Variants in RTN4RL1 observed in about 807,000 individuals in gnomAD.
The protein encoded by RTN4RL1 is reticulon-4 receptor-like 1.
In RTN4RL1, 7 loss-of-function variants were observed where a neutral mutation model predicts 25.6. The observed-to-expected ratio is 0.27, with a 90% CI of 0.16 to 0.51. RTN4RL1 has a LOEUF of 0.51. Among genes scored for constraint, RTN4RL1 ranks in the 20% least tolerant of loss-of-function variants. RTN4RL1 has a pLI of 0.97. For missense variants in RTN4RL1, 500 were observed against 615.6 expected (o/e 0.81, Z 1.99); for synonymous variants, 297 against 288.2 (o/e 1.03, Z -0.31).
rs748423034 is a variant in RTN4RL1, at chr17:1,937,381, G to A, written c.441C>T (p.Gly147=). The change falls in exon 2 of 2, where the codon GGC becomes GGT. Residue 147 remains glycine, a synonymous_variant. Transcript: ENST00000331238. ...LSALPAGVFG[G]LHSLQYLYLQ... is the part of the protein sequence containing the mutation. The stretch of plus-strand genomic sequence containing the variant: ...GGTAGAGGTACTGCAGGCTGTGCAG[G>A]CCGCCAAAGACGCCGGCCGGCAAGG... 6 of 1,613,728 alleles carry A rather than the reference G, an allele frequency of 3.7e-6. No homozygotes were observed. The South Asian group carries it at 5.5e-5, about 15-fold the overall frequency.
At chr17:1,963,703 G>T (rs185356079) in intron 1 of RTN4RL1, among the ~76,000 whole-genome samples, 1 of 152,146 alleles carries the variant, frequency 6.6e-6, no homozygotes, top group East Asian at 1.9e-4. Flanking sequence ...TCAAGCTTCC[G>T]GGTGCAATCT....
At chr17:2,018,686 C>T (rs889679768) in intron 1 of RTN4RL1, among the ~76,000 whole-genome samples, 8 of 152,076 alleles carry the variant, frequency 5.3e-5, no homozygotes, top group Non-Finnish European at 1.2e-4. Flanking sequence ...CTCAGCAGTG[C>T]GCCGGCTGGG....
At chr17:1,985,048 T>C (rs2066882224) in intron 1 of RTN4RL1, among the ~76,000 whole-genome samples, 1 of 152,250 alleles carries the variant, frequency 6.6e-6, no homozygotes, top group Admixed American at 6.5e-5. Context: ...CAAGCATTTT[T>C]CACGCACTGC....
At chr17:1,951,044 T>A (rs889328550) in intron 1 of RTN4RL1, among the ~76,000 whole-genome samples, 1 of 151,662 alleles carries the variant, frequency 6.6e-6, no homozygotes, top group African/African-American at 2.4e-5. Context: ...GGAGGGTGGA[T>A]CACGAGGTCA....
chr17:1,965,575 C>T (rs1044160694), intron 1 of RTN4RL1, among the ~76,000 whole-genome samples: 3 of 152,100 alleles, frequency 2.0e-5, no homozygotes, highest in Non-Finnish European at 2.9e-5. Flanking sequence ...CCAGAGTGGG[C>T]CCCCCTCTGA....
At chr17:2,014,398 C>G (rs914849449) in intron 1 of RTN4RL1, among the ~76,000 whole-genome samples, 5 of 152,212 alleles carry the variant, frequency 3.3e-5, no homozygotes, top group East Asian at 1.9e-4. Flanking sequence ...CAGGACCCCC[C>G]ACTCTCCCCA....
intron 1 of RTN4RL1, among the ~76,000 whole-genome samples, chr17:1,978,611 C>T (rs1271987394): frequency 7.5e-6 from 1 of 133,378 alleles, no homozygotes; most frequent in Non-Finnish European, 1.6e-5. Flanking sequence ...CTTGCAACCT[C>T]TCAGTTTGCT....
In RTN4RL1 at chr17:1,994,105, G is replaced by A. The variant is rs763946676; in HGVS notation, c.13+30748C>T. On this transcript the variant is annotated intron_variant, in intron 1 of 1. Coordinates refer to ENST00000331238, the MANE Select transcript of RTN4RL1 (RefSeq NM_178568.4). This position sits in a 1 kb window ranked among gnomAD's most constrained non-coding sequence, Gnocchi z 4.3. ...ACGTGCACTCGAACCTCGCCGCTCCGGGTCCCAATCTGTGGATTGCTTTCC... is the reference window on the plus strand; with the variant it reads ...ACGTGCACTCGAACCTCGCCGCTCCAGGTCCCAATCTGTGGATTGCTTTCC... 1.2e-4 allele frequency among the ~76,000 whole-genome samples: 18 copies of A among 151,970 alleles called. No homozygotes were observed. The highest frequency in any genetic ancestry group is 3.4e-3 in the Middle Eastern group (1 of 294).
At chr17:2,019,839 T>C (rs138500291) in intron 1 of RTN4RL1, 1 of 152,372 alleles carries the variant, frequency 6.6e-6, no homozygotes, top group East Asian at 1.9e-4. Flanking sequence ...CAGTAAGGAA[T>C]TGTTTCCCAT....
At chr17:1,991,234 T>C (rs2066907006) in intron 1 of RTN4RL1, among the ~76,000 whole-genome samples, 2 of 151,972 alleles carry the variant, frequency 1.3e-5, no homozygotes, top group African/African-American at 2.4e-5. Context: ...TAAGTACCTG[T>C]AAGAGGCGGT....
intron 1 of RTN4RL1, among the ~76,000 whole-genome samples, chr17:1,980,875 G>A (rs562376748): frequency 4.3e-5 from 6 of 138,902 alleles, no homozygotes; most frequent in Admixed American, 3.1e-4. Flanking sequence ...TGCGGTGTGC[G>A]GAGATCACAC....
chr17:1,992,017 C>G (rs1172730305), intron 1 of RTN4RL1, among the ~76,000 whole-genome samples: 1 of 152,136 alleles, frequency 6.6e-6, no homozygotes, highest in African/African-American at 2.4e-5. Flanking sequence ...CACAGTCCCC[C>G]AGATCCTTCA....
At chr17:1,991,889 G>A (rs2066910457) in intron 1 of RTN4RL1, among the ~76,000 whole-genome samples, 1 of 152,176 alleles carries the variant, frequency 6.6e-6, no homozygotes, top group Non-Finnish European at 1.5e-5. Context: ...TCCTGGAAGT[G>A]GAATTGCTCT....
At chr17:1,955,803 C>T (rs952483668) in intron 1 of RTN4RL1, among the ~76,000 whole-genome samples, 5 of 151,500 alleles carry the variant, frequency 3.3e-5, no homozygotes, top group Admixed American at 1.3e-4. Context: ...AGGCTGGTCT[C>T]GAACTCCTGA....
intron 1 of RTN4RL1, among the ~76,000 whole-genome samples, chr17:1,991,951 C>T (rs1380552141): frequency 6.6e-6 from 1 of 152,170 alleles, no homozygotes; most frequent in East Asian, 1.9e-4. Flanking sequence ...AGAGCTATGT[C>T]TCCAGAAGAG....
chr17:1,982,418 C>T (rs1434905941), intron 1 of RTN4RL1, among the ~76,000 whole-genome samples: 1 of 152,120 alleles, frequency 6.6e-6, no homozygotes, highest in African/African-American at 2.4e-5. Flanking sequence ...CGAGACCATC[C>T]TGGCTAACAC....
chr17:1,998,642 C>A lies in RTN4RL1; in HGVS notation c.13+26211G>T, dbSNP rs1016291540. On this transcript the variant is annotated intron_variant, in intron 1 of 1. Coordinates refer to ENST00000331238, the MANE Select transcript of RTN4RL1 (RefSeq NM_178568.4). The surrounding 1 kb of genome is among the most constrained non-coding windows in gnomAD (Gnocchi z 4.9). ...CCGGCTCGCCTCCTCCTGGGCTCGC[C>A]GGGATGTGGCCTCCGAGGTCGCCGC... Among the ~76,000 whole-genome samples, 1 of 152,018 alleles carries A rather than the reference C, an allele frequency of 6.6e-6. No homozygotes were observed. Among genetic ancestry groups the A allele is most frequent in the Non-Finnish European group, 1.5e-5 (1 of 67,946 alleles).
chr17:2,007,546 G>A (rs981817145), intron 1 of RTN4RL1, among the ~76,000 whole-genome samples: 1 of 152,160 alleles, frequency 6.6e-6, no homozygotes, highest in African/African-American at 2.4e-5. Context: ...CTCACAAAGT[G>A]GGTAGGCCAG....
intron 1 of RTN4RL1, among the ~76,000 whole-genome samples, chr17:2,000,640 C>T (rs905589068): frequency 1.3e-5 from 2 of 152,150 alleles, no homozygotes; most frequent in African/African-American, 4.8e-5. Flanking sequence ...CTGCCTCAGC[C>T]TCCTGAGTAG....
Sources: allele counts gnomAD v4.1 joint callset (sites outside exome capture counted in the v4.1 genomes callset), GRCh38; gene constraint gnomAD v4.1.1; non-coding constraint Gnocchi (gnomAD v3.1); transcripts MANE v1.5; gene names NCBI Gene and HGNC (gene_info 2026-07-23, HGNC 2026-07-21).